NCOR2: variants seen among roughly 807,000 people sequenced by gnomAD.
NCOR2 encodes nuclear receptor corepressor 2, also known as CTG repeat protein 26.
A neutral mutation model predicts 262.9 loss-of-function variants in NCOR2; 81 were observed. That is an observed-to-expected ratio of 0.31 (90% confidence interval 0.26 to 0.37). The LOEUF is 0.37. Ranked by LOEUF, NCOR2 falls within the 10% of genes least tolerant of loss-of-function variation. The pLI, the probability that NCOR2 is intolerant of heterozygous loss-of-function variation, is 1.00. For missense variants in NCOR2, 3,385 were observed against 3,621.4 expected (o/e 0.93, Z 1.68); for synonymous variants, 1,659 against 1,559.3 (o/e 1.06, Z -1.51).
intron 1 of NCOR2, among the ~76,000 whole-genome samples, chr12:124,516,578 C>A (rs1222693865): frequency 6.6e-6 from 1 of 152,204 alleles, no homozygotes. Context: ...CAGCACTGTG[C>A]GGGCCCCTTC....
chr12:124,344,346 T>C (rs1339145381), intron 32 of NCOR2, among the ~76,000 whole-genome samples: 1 of 151,704 alleles, frequency 6.6e-6, no homozygotes, highest in East Asian at 1.9e-4. Flanking sequence ...GTTTGCAGAG[T>C]GGATTACAGC....
intron 8 of NCOR2, among the ~76,000 whole-genome samples, chr12:124,436,654 C>T (rs1420407040): frequency 1.3e-5 from 2 of 152,324 alleles, no homozygotes; most frequent in East Asian, 3.9e-4. Flanking sequence ...CACTGGTTCA[C>T]AGGACGCAGG....
At position 124,340,703 on chromosome 12, in the gene NCOR2, G is replaced by A. The variant is rs765639135; in HGVS notation, c.5237C>T (p.Pro1746Leu). ...GGCGGTGGCTGGGGTGCCTGGTGTC[G>A]GGGGCACGAGCACAGGCAGGTGTGG... The change falls in exon 35 of 47, where the codon CCG becomes CTG. Residue 1746 changes from proline to leucine, a missense_variant. Pro to Leu is a moderately conservative substitution (Grantham distance 98). This residue lies in a region of NCOR2 where 1,615 missense variants were observed against 1,626.9 expected (regional missense o/e 0.99). Coordinates refer to ENST00000405201, the Ensembl canonical transcript of NCOR2. The A allele has an allele frequency of 1.4e-5, 22 of 1,538,886 alleles. No individual in the cohort carries two copies. Among genetic ancestry groups the A allele is most frequent in the East Asian group, 4.6e-5 (2 of 43,948 alleles).
chr12:124,429,626 A>T, exon 10 of NCOR2: 2 of 1,606,218 alleles, frequency 1.2e-6, no homozygotes, highest in Non-Finnish European at 1.7e-6. Flanking sequence ...CTGCTCTGAG[A>T]GGCCATCGAT....
chr12:124,336,923 A>C (rs762655605), exon 38 of NCOR2: 14 of 1,585,020 alleles, frequency 8.8e-6, no homozygotes, highest in Non-Finnish European at 1.2e-5. Context: ...GACAGGAGGC[A>C]CTAGGGGCCG....
At chr12:124,506,209 A>C (rs2049027367) in intron 1 of NCOR2, among the ~76,000 whole-genome samples, 3 of 152,220 alleles carry the variant, frequency 2.0e-5, no homozygotes. Flanking sequence ...TGAACAGATC[A>C]GAAAACTGAG....
In NCOR2 at chr12:124,501,964, G is replaced by A. The variant is rs190156432; in HGVS notation, c.-117-6596C>T. Among the ~76,000 whole-genome samples, 11 of 152,344 alleles carry A rather than the reference G, an allele frequency of 7.2e-5. No individual in the cohort carries two copies. In the East Asian group the frequency reaches 1.7e-3, roughly 24 times the overall value. On this transcript the variant is annotated intron_variant, in intron 1 of 46. Transcript: ENST00000404621. ...CTGGGACAGCAGTTCTGGGATGTGC[G>A]CACAAGACGCTGCGGAGCGCCAGCT...
At chr12:124,342,854 A>T in intron 33 of NCOR2, 151 bp downstream of exon 35, 1 of 757,570 alleles carries the variant, frequency 1.3e-6, no homozygotes, top group Non-Finnish European at 2.1e-6. Flanking sequence ...GCTCATGATT[A>T]CACTGTTGGG....
intron 16 of NCOR2, among the ~76,000 whole-genome samples, chr12:124,387,125 G>A (rs2040861816): frequency 6.6e-6 from 1 of 152,256 alleles, no homozygotes; most frequent in African/African-American, 2.4e-5. Flanking sequence ...ATAAAATCAA[G>A]CTGCAAGCCA....
chr12:124,395,982 T>C (rs1367294084), intron 16 of NCOR2, among the ~76,000 whole-genome samples: 1 of 152,068 alleles, frequency 6.6e-6, no homozygotes, highest in African/African-American at 2.4e-5. Flanking sequence ...ACCGACAAAA[T>C]GTGGTCCGTG....
chr12:124,452,502 AGGACCTACTTCACGGAAATTTT>A (rs2045610101), intron 6 of NCOR2, among the ~76,000 whole-genome samples: 1 of 152,160 alleles, frequency 6.6e-6, no homozygotes. Flanking sequence ...TAGGTCAAAG[AGGACCTACTTCACGGAAATTTT>A]GGATAGCCCA....
intron 37 of NCOR2, 56 bp from the exon 40 acceptor site, chr12:124,337,236 C>G: frequency 6.6e-7 from 1 of 1,524,002 alleles, no homozygotes. Flanking sequence ...CTTCCTCCAC[C>G]ACCCTCGATG....
intron 5 of NCOR2, among the ~76,000 whole-genome samples, chr12:124,459,182 A>G (rs1324457185): frequency 6.6e-6 from 1 of 152,094 alleles, no homozygotes; most frequent in Non-Finnish European, 1.5e-5. Flanking sequence ...TTTGTGTATG[A>G]TCTGTGGGGA....
intron 12 of NCOR2, among the ~76,000 whole-genome samples, chr12:124,421,406 C>T (rs1042077339): frequency 1.3e-5 from 2 of 152,208 alleles, no homozygotes; most frequent in Non-Finnish European, 2.9e-5. Flanking sequence ...TAGAGTCCGC[C>T]GTGCCGTCCA....
At chr12:124,371,044 C>T (rs1277395016) in intron 20 of NCOR2, among the ~76,000 whole-genome samples, 3 of 152,190 alleles carry the variant, frequency 2.0e-5, no homozygotes, top group Admixed American at 1.3e-4. Flanking sequence ...TTGCAGCTGC[C>T]TCCTGACTGT....
At chr12:124,400,538 G>A (rs374407844) in exon 15 of NCOR2, 22 of 1,613,998 alleles carry the variant, frequency 1.4e-5, no homozygotes, top group African/African-American at 2.7e-5. Flanking sequence ...TGGCCTCCTC[G>A]CTGTTGGCCT....
At chr12:124,374,434 T>C (rs775411879) in exon 19 of NCOR2, 2 of 1,612,990 alleles carry the variant, frequency 1.2e-6, no homozygotes, top group Admixed American at 1.7e-5. Context: ...CATTCCCCTC[T>C]GGGCACCTCA....
At chr12:124,477,482 G>A (rs2047166284) in intron 3 of NCOR2, among the ~76,000 whole-genome samples, 1 of 152,226 alleles carries the variant, frequency 6.6e-6, no homozygotes, top group African/African-American at 2.4e-5. Flanking sequence ...GACTAACACA[G>A]GGAGTGACTG....
At chr12:124,413,895 A>G (rs1002194692) in intron 13 of NCOR2, among the ~76,000 whole-genome samples, 1 of 151,960 alleles carries the variant, frequency 6.6e-6, no homozygotes, top group African/African-American at 2.4e-5. Context: ...AGGGGAAGAG[A>G]CACAGGTGGT....
Sources: allele counts gnomAD v4.1 joint callset (sites outside exome capture counted in the v4.1 genomes callset), GRCh38; gene constraint gnomAD v4.1.1; regional missense constraint gnomAD v4.1.1; transcripts MANE v1.5; gene names NCBI Gene and HGNC (gene_info 2026-07-23, HGNC 2026-07-21).